WWTR1: variants seen among roughly 807,000 people sequenced by gnomAD.
The protein encoded by WWTR1 is WW domain containing transcription regulator 1.
In WWTR1, 13 loss-of-function variants were observed where a neutral mutation model predicts 40.1. The ratio of observed to expected loss-of-function variants is 0.32; its 90% CI spans 0.21 to 0.52. The LOEUF is 0.52. Among genes scored for constraint, WWTR1 ranks in the 20% least tolerant of loss-of-function variants. The pLI is 0.97. For missense variants in WWTR1, 436 were observed against 523.1 expected (o/e 0.83, Z 1.63); for synonymous variants, 230 against 210.1 (o/e 1.09, Z -0.82).
chr3:149,586,243 C>T (rs1009212475), intron 2 of WWTR1, among the ~76,000 whole-genome samples: 3 of 151,576 alleles, frequency 2.0e-5, no homozygotes, highest in African/African-American at 7.3e-5. Context: ...ACGGCACGGC[C>T]ATCTACTGAT....
intron 3 of WWTR1, among the ~76,000 whole-genome samples, chr3:149,564,473 CT>C (rs1737218435): frequency 6.7e-6 from 1 of 149,690 alleles, no homozygotes; most frequent in Non-Finnish European, 1.5e-5. Context: ...AGGTTCTCCC[CT>C]GTTGTTCTCA....
Position 149,656,943 on chromosome 3 carries a change from C to T in WWTR1, c.364G>A (p.Asp122Asn). Reference protein sequence around the residue: ...HLRQQSYDVTDELPLPPGWEM... With the variant: ...HLRQQSYDVTNELPLPPGWEM... ...CAGCCCGGGGGCAGTGGCAGCTCGT[C>T]GGTCACGTCGTAGGACTGCTGGCGG... The change falls in exon 2 of 7, where the codon GAC (aspartate) becomes AAC (asparagine). Residue 122 changes from aspartate to asparagine, a missense_variant. Transcript: ENST00000360632. 1 of 1,576,734 alleles carries T rather than the reference C, an allele frequency of 6.3e-7. No homozygotes were observed. Among genetic ancestry groups the T allele is most frequent in the Non-Finnish European group, 8.6e-7 (1 of 1,164,986 alleles).
At chr3:149,673,347 T>A (rs932694239) in intron 1 of WWTR1, among the ~76,000 whole-genome samples, 4 of 152,248 alleles carry the variant, frequency 2.6e-5, no homozygotes, top group South Asian at 4.1e-4. Context: ...ATGTGTACGT[T>A]ATGTAAAAAA....
chr3:149,623,173 C>T (rs972075595), intron 2 of WWTR1, among the ~76,000 whole-genome samples: 2 of 152,066 alleles, frequency 1.3e-5, no homozygotes, highest in African/African-American at 4.8e-5. Flanking sequence ...ACCAGCCTGA[C>T]CAACATGGTG....
At chr3:149,557,464 T>C (rs528265605) in intron 3 of WWTR1, among the ~76,000 whole-genome samples, 1 of 152,144 alleles carries the variant, frequency 6.6e-6, no homozygotes, top group Non-Finnish European at 1.5e-5. Flanking sequence ...CTCTTACATC[T>C]CTGTGTCTAG....
chr3:149,685,088 G>A (rs968012658), intron 1 of WWTR1, among the ~76,000 whole-genome samples: 5 of 151,984 alleles, frequency 3.3e-5, no homozygotes, highest in Non-Finnish European at 1.5e-5. Context: ...TTACTGTTTC[G>A]CTATTCCCAT....
chr3:149,690,716 G>A (rs2108212873), intron 1 of WWTR1, among the ~76,000 whole-genome samples: 1 of 152,242 alleles, frequency 6.6e-6, no homozygotes, highest in East Asian at 1.9e-4. Context: ...CATCCAGACA[G>A]CAAATCAACA....
intron 2 of WWTR1, among the ~76,000 whole-genome samples, chr3:149,627,505 C>A (rs937732427): frequency 3.9e-5 from 6 of 152,172 alleles, no homozygotes; most frequent in Admixed American, 6.5e-5. Flanking sequence ...CCCTTTCCTG[C>A]ACCCCCTGGA....
At chr3:149,597,805 C>T (rs551631952) in intron 2 of WWTR1, among the ~76,000 whole-genome samples, 122 of 152,200 alleles carry the variant, frequency 8.0e-4, no homozygotes, top group Non-Finnish European at 1.5e-3. Context: ...TACTTCGTGC[C>T]ACTGAAAGTG....
chr3:149,656,843 C>G, intron 2 of WWTR1, 33 bp downstream of exon 2: 1 of 1,499,192 alleles, frequency 6.7e-7, no homozygotes, highest in Non-Finnish European at 8.8e-7. Context: ...GGCACTGTGA[C>G]TTGGTGCCTT....
At chr3:149,684,301 G>T (rs117336824) in intron 1 of WWTR1, among the ~76,000 whole-genome samples, 2 of 152,008 alleles carry the variant, frequency 1.3e-5, no homozygotes, top group African/African-American at 2.4e-5. Context: ...GATTACAGGC[G>T]TCAGCCACCA....
chr3:149,562,277 A>T (rs1737117108), intron 3 of WWTR1, among the ~76,000 whole-genome samples: 1 of 150,884 alleles, frequency 6.6e-6, no homozygotes. Flanking sequence ...CCTGGGCGAC[A>T]GAACGAGATT....
chr3:149,592,630 T>C (rs1175541564), intron 2 of WWTR1, among the ~76,000 whole-genome samples: 2 of 152,240 alleles, frequency 1.3e-5, no homozygotes, highest in African/African-American at 2.4e-5. Flanking sequence ...TATATACATA[T>C]GTAAAACACA....
At chr3:149,657,518 A>C in intron 1 of WWTR1, 1 of 600,118 alleles carries the variant, frequency 1.7e-6, no homozygotes, top group Non-Finnish European at 2.9e-6. Flanking sequence ...AGAATTATGC[A>C]ACTTTCTTGA....
chr3:149,553,359 T>C (rs1012436543), intron 3 of WWTR1, among the ~76,000 whole-genome samples: 1 of 152,196 alleles, frequency 6.6e-6, no homozygotes, highest in African/African-American at 2.4e-5. Flanking sequence ...AAGTAGTGTT[T>C]CCTTTTCCCT....
At chr3:149,635,049 G>T (rs1036109922) in intron 2 of WWTR1, among the ~76,000 whole-genome samples, 1 of 152,186 alleles carries the variant, frequency 6.6e-6, no homozygotes, top group African/African-American at 2.4e-5. Flanking sequence ...CTTGACCAAA[G>T]AGCCCTGTAT....
At chr3:149,616,390 C>T (rs1043009869) in intron 2 of WWTR1, among the ~76,000 whole-genome samples, 1 of 151,948 alleles carries the variant, frequency 6.6e-6, no homozygotes, top group Admixed American at 6.6e-5. Context: ...GCTAGAACTA[C>T]GTATTTCTTC....
intron 3 of WWTR1, among the ~76,000 whole-genome samples, chr3:149,555,403 A>G (rs896705346): frequency 4.6e-5 from 7 of 152,172 alleles, no homozygotes; most frequent in Admixed American, 1.3e-4. Flanking sequence ...TGCAAATTAA[A>G]GAAACAGCCT....
chr3:149,704,253 G>A (rs899262507), upstream of WWTR1, among the ~76,000 whole-genome samples: 3 of 152,254 alleles, frequency 2.0e-5, 1 homozygote, highest in Middle Eastern at 6.8e-3. Context: ...TTAAAAGGGG[G>A]AGAAAATAAT....
Sources: allele counts gnomAD v4.1 joint callset (sites outside exome capture counted in the v4.1 genomes callset), GRCh38; gene constraint gnomAD v4.1.1; transcripts MANE v1.5; gene names NCBI Gene and HGNC (gene_info 2026-07-23, HGNC 2026-07-21).